The following PPP1R9A variants were observed in gnomAD, a reference collection of about 807,000 sequenced individuals.
PPP1R9A encodes neurabin-1.
In PPP1R9A, 59 loss-of-function variants were observed where a neutral mutation model predicts 141.9. That is an observed-to-expected ratio of 0.42 (90% CI 0.34 to 0.52). PPP1R9A has a LOEUF of 0.52. PPP1R9A is among the 20% of genes least tolerant of loss of function. The probability of loss-of-function intolerance (pLI) is 0.10; values close to 1 mark genes in which losing one functional copy is unlikely to be tolerated. For missense variants in PPP1R9A, 1,444 were observed against 1,611.9 expected, an observed-to-expected ratio of 0.90 and a Z score of 1.78; for synonymous variants, 500 against 569.7, an observed-to-expected ratio of 0.88 and a Z score of 1.74.
At chr7:95,044,334 T>A (rs1172655540) in intron 2 of PPP1R9A, among the ~76,000 whole-genome samples, 1 of 150,814 alleles carries the variant, frequency 6.6e-6, no homozygotes, top group Non-Finnish European at 1.5e-5. Context: ...TCCTCCTGTG[T>A]TTCCTCTGCT....
intron 2 of PPP1R9A, among the ~76,000 whole-genome samples, chr7:95,037,306 T>C (rs1808565470): frequency 6.6e-6 from 1 of 152,154 alleles, no homozygotes; most frequent in Admixed American, 6.5e-5. Context: ...AAAATTGAGA[T>C]AACTATACAA....
intron 2 of PPP1R9A, among the ~76,000 whole-genome samples, chr7:94,953,772 G>C (rs1401678781): frequency 6.6e-6 from 1 of 152,068 alleles, no homozygotes; most frequent in African/African-American, 2.4e-5. Flanking sequence ...TCTATTATTG[G>C]TGTATAGGAA....
intron 2 of PPP1R9A, among the ~76,000 whole-genome samples, chr7:95,085,803 AG>A (rs1227135445): frequency 3.9e-5 from 6 of 152,048 alleles, no homozygotes; most frequent in Admixed American, 6.5e-5. Context: ...CTTATAATAC[AG>A]GAGTTTTAAA....
chr7:95,206,225 A>C (rs1790757616), intron 7 of PPP1R9A, among the ~76,000 whole-genome samples: 1 of 152,172 alleles, frequency 6.6e-6, no homozygotes, highest in Admixed American at 6.5e-5. Context: ...TTGCAATAAA[A>C]ACTGAATGGT....
chr7:95,134,430 C>T (rs1458395047), intron 4 of PPP1R9A, among the ~76,000 whole-genome samples: 1 of 152,060 alleles, frequency 6.6e-6, no homozygotes, highest in Non-Finnish European at 1.5e-5. Flanking sequence ...CACATGTATA[C>T]CTGTATAACA....
In PPP1R9A at chr7:95,044,131, G is replaced by A. The variant is rs1809647209; in HGVS notation, c.1396-67128G>A. Among the ~76,000 whole-genome samples, 5 of 152,148 alleles carry A rather than the reference G, an allele frequency of 3.3e-5. No homozygotes were observed. The South Asian group carries it at 1.0e-3, about 32-fold the overall frequency. ...GAACAGGAAATGAGGCAGTTACAGT[G>A]TTTTAGTTGTTTGTCCTTTATTTCT... is the stretch of plus-strand genomic sequence containing the variant. On this transcript the variant is annotated intron_variant, in intron 2 of 19. Coordinates refer to ENST00000433360, the MANE Select transcript of PPP1R9A (RefSeq NM_001166160.2).
At chr7:95,115,791 C>G (rs973019073) in intron 3 of PPP1R9A, among the ~76,000 whole-genome samples, 1 of 151,620 alleles carries the variant, frequency 6.6e-6, no homozygotes, top group Non-Finnish European at 1.5e-5. Flanking sequence ...GTGGCACGTG[C>G]CTGTAGTCCC....
chr7:94,930,240 C>T (rs1449062649), intron 2 of PPP1R9A, among the ~76,000 whole-genome samples: 1 of 152,036 alleles, frequency 6.6e-6, no homozygotes, highest in Non-Finnish European at 1.5e-5. Context: ...GATGGGGGAG[C>T]CCCACATTTT....
At chr7:95,100,146 G>A (rs549064132) in intron 2 of PPP1R9A, among the ~76,000 whole-genome samples, 48 of 152,144 alleles carry the variant, frequency 3.2e-4, no homozygotes, top group African/African-American at 9.6e-4. Context: ...TTGAGGAGTC[G>A]TGGTGGCTCA....
rs68186534 is a variant in PPP1R9A at position 94,975,356 on chromosome 7, GTTT to G, written c.1395+63873_1395+63875del. 8.9e-4 allele frequency among the ~76,000 whole-genome samples: 107 copies of G among 120,758 alleles called. 1 individual carries two copies. Among genetic ancestry groups the G allele is most frequent in the African/African-American group, 1.9e-3 (64 of 34,454 alleles). 79.2% of individuals were successfully genotyped at this position (120,758 alleles called of 152,430 possible). A position where few individuals can be genotyped will look rare whatever the true frequency, so the allele number is the denominator to read the frequency against. On this transcript the variant is annotated intron_variant, in intron 2 of 19. Transcript: ENST00000433360. ...TCTGGACAGGCTGTAGTTTTTTTTT[GTTT>G]TTTTTTTTTTTTTTTTTTTTTTTTA...
At chr7:95,187,812 T>C (rs778196913) in intron 5 of PPP1R9A, among the ~76,000 whole-genome samples, 10 of 152,178 alleles carry the variant, frequency 6.6e-5, no homozygotes, top group Non-Finnish European at 1.2e-4. Flanking sequence ...TTGTTTAGTT[T>C]TGAGGGTTTT....
intron 8 of PPP1R9A, among the ~76,000 whole-genome samples, chr7:95,247,146 G>T (rs1250683407): frequency 6.6e-6 from 1 of 152,202 alleles, no homozygotes; most frequent in Non-Finnish European, 1.5e-5. Context: ...CAGTTAGCTA[G>T]ACTTAGCAAG....
chr7:95,018,090 T>A (rs1342277453), intron 2 of PPP1R9A: 1 of 158,750 alleles, frequency 6.3e-6, no homozygotes, highest in Non-Finnish European at 1.4e-5. Flanking sequence ...ATAAATGTGC[T>A]ATTTAACATA....
At chr7:95,221,124 G>A (rs960373377) in intron 7 of PPP1R9A, among the ~76,000 whole-genome samples, 1 of 152,016 alleles carries the variant, frequency 6.6e-6, no homozygotes, top group African/African-American at 2.4e-5. Flanking sequence ...TGAGAAAATC[G>A]TTAGCATTTT....
intron 2 of PPP1R9A, among the ~76,000 whole-genome samples, chr7:95,041,722 G>A (rs1482948901): frequency 2.0e-5 from 3 of 151,738 alleles, no homozygotes; most frequent in Admixed American, 6.6e-5. Context: ...ATGTCCTTAA[G>A]GAGTACTATA....
chr7:95,138,404 G>T (rs1826064599), intron 4 of PPP1R9A, among the ~76,000 whole-genome samples: 1 of 152,060 alleles, frequency 6.6e-6, no homozygotes, highest in Non-Finnish European at 1.5e-5. Context: ...CTGGACATAG[G>T]TCTAATATTA....
intron 2 of PPP1R9A, chr7:95,035,602 T>C (rs903189980): frequency 3.3e-5 from 5 of 152,170 alleles, no homozygotes; most frequent in African/African-American, 1.2e-4. Flanking sequence ...TTTAAGGATG[T>C]TTAGTTTTTA....
At chr7:95,003,679 C>T (rs1371065571) in intron 2 of PPP1R9A, among the ~76,000 whole-genome samples, 2 of 152,152 alleles carry the variant, frequency 1.3e-5, no homozygotes. Flanking sequence ...CTACTCTTTA[C>T]AATCACCTGG....
chr7:95,133,624 T>G (rs113522423), intron 4 of PPP1R9A, among the ~76,000 whole-genome samples: 1,578 of 151,554 alleles, frequency 0.01, 25 homozygotes, highest in African/African-American at 0.037. Flanking sequence ...AAATTATTGT[T>G]CATCATTCTT....
Sources: gnomAD v4.1 joint callset for allele counts (sites outside exome capture counted in the v4.1 genomes callset) on GRCh38, gnomAD v4.1.1 for gene constraint, MANE v1.5 for transcripts, NCBI Gene and HGNC (gene_info 2026-07-23, HGNC 2026-07-21) for gene names.